ANKS1B: variants seen among roughly 807,000 people sequenced by gnomAD.
ANKS1B encodes ankyrin repeat and sterile alpha motif domain-containing protein 1B.
A neutral mutation model predicts 148.3 loss-of-function variants in ANKS1B; 36 were observed. The ratio of observed to expected loss-of-function variants is 0.24; its 90% CI spans 0.19 to 0.32. The LOEUF (loss-of-function observed/expected upper bound fraction) is 0.32, where lower values mean the gene tolerates loss of function less well. Ranked by LOEUF, ANKS1B falls within the 10% of genes least tolerant of loss-of-function variation. The pLI, the probability that ANKS1B is intolerant of heterozygous loss-of-function variation, is 1.00. For missense variants in ANKS1B, 1,157 were observed against 1,542.6 expected (o/e 0.75, Z 4.19); for synonymous variants, 542 against 560.8 (o/e 0.97, Z 0.47).
chr12:99,906,926 G>T (rs1024466778), intron 1 of ANKS1B, among the ~76,000 whole-genome samples: 1 of 152,136 alleles, frequency 6.6e-6, no homozygotes, highest in African/African-American at 2.4e-5. Context: ...AACCACAAGA[G>T]AATGTGCCAT....
chr12:98,986,771 C>A (rs1456300568), intron 17 of ANKS1B, among the ~76,000 whole-genome samples: 1 of 152,010 alleles, frequency 6.6e-6, no homozygotes, highest in Non-Finnish European at 1.5e-5. Flanking sequence ...TGTATCACCA[C>A]ACCTGGATTT....
intron 17 of ANKS1B, among the ~76,000 whole-genome samples, chr12:98,945,505 CA>C (rs3051086): frequency 0.068 from 1,993 of 29,306 alleles, 8 homozygotes; most frequent in African/African-American, 0.099. Context: ...AACAAACAAA[CA>C]AAAAAAAAAA....
At position 98,764,979 on chromosome 12, in the gene ANKS1B, C is replaced by T. The variant is rs10777944; in HGVS notation, c.3579+8063G>A. ...CAGGCACTCTATCAATACAGGAATG[C>T]ATTTTATGTGGAATCTGACTTTTTT... On this transcript the variant is annotated intron_variant, in intron 25 of 26. Transcript: ENST00000683438. 3.3e-5 allele frequency among the ~76,000 whole-genome samples: 5 copies of T among 152,132 alleles called. No individual in the cohort carries two copies. In the South Asian group the frequency reaches 1.0e-3, roughly 32 times the overall value.
rs911776105 is a variant in ANKS1B, at chr12:99,824,976, C to T, written c.215+333G>A. 3.9e-5 allele frequency among the ~76,000 whole-genome samples: 6 copies of T among 152,030 alleles called. No homozygotes were observed. In the East Asian group the frequency reaches 1.2e-3, roughly 29 times the overall value. On this transcript the variant is annotated intron_variant, in intron 2 of 26. Coordinates refer to ENST00000683438, the MANE Select transcript of ANKS1B (RefSeq NM_001352186.2). ...TATGTTGGGTGAATACAAGGAGACA[C>T]CAAAAAAGGTAAAGGGGTGTTATCA...
chr12:99,468,375 A>G (rs2096171612), intron 10 of ANKS1B, among the ~76,000 whole-genome samples: 1 of 152,226 alleles, frequency 6.6e-6, no homozygotes, highest in Non-Finnish European at 1.5e-5. Context: ...GGACATAGGC[A>G]TGGGCAAGGA....
chr12:98,908,324 C>T (rs2099782217), intron 17 of ANKS1B, among the ~76,000 whole-genome samples: 1 of 152,228 alleles, frequency 6.6e-6, no homozygotes, highest in East Asian at 1.9e-4. Flanking sequence ...AATGTTGCTA[C>T]TGTTATGTCT....
chr12:99,022,981 T>C (rs898764790), intron 17 of ANKS1B, among the ~76,000 whole-genome samples: 2 of 152,196 alleles, frequency 1.3e-5, no homozygotes, highest in Non-Finnish European at 2.9e-5. Flanking sequence ...AACATAGTAA[T>C]ACATATTTTT....
At chr12:99,104,393 A>G (rs770531069) in intron 15 of ANKS1B, 2 of 152,236 alleles carry the variant, frequency 1.3e-5, no homozygotes, top group Non-Finnish European at 2.9e-5. Context: ...CATATCGTGT[A>G]ACACATTCCT....
At chr12:99,198,394 T>C (rs2081641743) in intron 14 of ANKS1B, among the ~76,000 whole-genome samples, 1 of 152,142 alleles carries the variant, frequency 6.6e-6, no homozygotes. Context: ...CTGAAAAAGG[T>C]CCAGCATATT....
chr12:99,269,611 T>C lies in ANKS1B; in HGVS notation c.1757-22747A>G, dbSNP rs749730266. 2.0e-5 allele frequency among the ~76,000 whole-genome samples: 3 copies of C among 152,122 alleles called. 1 individual carries two copies. The highest frequency in any genetic ancestry group is 3.9e-4 in the East Asian group (2 of 5,194). ...TCTCACTCTGTTGCTCAGGCTGGAG[T>C]GCAGTAGCGCAATCTCGGCTCACTG... On this transcript the variant is annotated intron_variant, in intron 12 of 26. Transcript: ENST00000683438.
At chr12:98,776,692 G>A (rs1413274473) in intron 24 of ANKS1B, among the ~76,000 whole-genome samples, 1 of 152,214 alleles carries the variant, frequency 6.6e-6, no homozygotes, top group Non-Finnish European at 1.5e-5. Flanking sequence ...AGCCCCGACA[G>A]GTGGGACCTT....
chr12:99,670,170 G>A (rs1403048681), intron 8 of ANKS1B, among the ~76,000 whole-genome samples: 1 of 151,926 alleles, frequency 6.6e-6, no homozygotes, highest in Non-Finnish European at 1.5e-5. Flanking sequence ...CTTCTTACCG[G>A]CTAAATAATC....
At chr12:98,835,306 G>T (rs1355882669) in intron 17 of ANKS1B, among the ~76,000 whole-genome samples, 1 of 152,114 alleles carries the variant, frequency 6.6e-6, no homozygotes, top group African/African-American at 2.4e-5. Context: ...ATGTGGTTGG[G>T]AAGATGAAGA....
rs963317219 is a variant in ANKS1B at position 99,896,782 on chromosome 12, C to T, written c.135-71393G>A. On this transcript the variant is annotated intron_variant, in intron 1 of 26. Transcript: ENST00000683438. Reference sequence around the variant, plus strand: ...CTTTTAAACAAACTTTTGGAAAATGCTCTCTATTCATAAATGGAAGCTCTC... The same window carrying T: ...CTTTTAAACAAACTTTTGGAAAATGTTCTCTATTCATAAATGGAAGCTCTC... Among the ~76,000 whole-genome samples, 9 of 151,224 alleles carry T rather than the reference C, an allele frequency of 6.0e-5. 1 individual carries two copies. Among genetic ancestry groups the T allele is most frequent in the Non-Finnish European group, 1.0e-4 (7 of 67,552 alleles).
chr12:99,137,414 AG>A (rs1024612388), intron 15 of ANKS1B, among the ~76,000 whole-genome samples: 1 of 152,206 alleles, frequency 6.6e-6, no homozygotes, highest in African/African-American at 2.4e-5. Flanking sequence ...CACGAGTAAG[AG>A]AGAGGAGAAC....
chr12:99,337,412 T>C (rs2089120932), intron 12 of ANKS1B, among the ~76,000 whole-genome samples: 1 of 152,130 alleles, frequency 6.6e-6, no homozygotes, highest in Non-Finnish European at 1.5e-5. Flanking sequence ...TGTATTATCT[T>C]GAATTTCAAA....
intron 19 of ANKS1B, among the ~76,000 whole-genome samples, chr12:98,816,536 C>T (rs1414572745): frequency 6.6e-6 from 1 of 152,174 alleles, no homozygotes; most frequent in Non-Finnish European, 1.5e-5. Flanking sequence ...ATAGGATCCC[C>T]TCGCCTCGGC....
At chr12:99,279,538 C>A (rs1167792829) in intron 12 of ANKS1B, among the ~76,000 whole-genome samples, 1 of 152,092 alleles carries the variant, frequency 6.6e-6, no homozygotes, top group Non-Finnish European at 1.5e-5. Context: ...ATTCTAGACA[C>A]TTCATATAAA....
chr12:99,953,416 T>C (rs1288900764), intron 1 of ANKS1B, among the ~76,000 whole-genome samples: 2 of 152,160 alleles, frequency 1.3e-5, no homozygotes, highest in Non-Finnish European at 2.9e-5. Flanking sequence ...TTCAATAGCA[T>C]ATGAGTACAA....
Sources: gnomAD v4.1 joint callset for allele counts (sites outside exome capture counted in the v4.1 genomes callset) on GRCh38, gnomAD v4.1.1 for gene constraint, MANE v1.5 for transcripts, NCBI Gene and HGNC (gene_info 2026-07-23, HGNC 2026-07-21) for gene names.